LRGUK: variants seen among roughly 807,000 people sequenced by gnomAD.
LRGUK encodes the protein leucine rich repeats and guanylate kinase domain containing, also known as leucine-rich repeat and guanylate kinase domain-containing protein.
A neutral mutation model predicts 76.0 loss-of-function variants in LRGUK; 65 were observed. The ratio of observed to expected loss-of-function variants is 0.85; its 90% CI spans 0.70 to 1.05. The LOEUF (loss-of-function observed/expected upper bound fraction) is 1.05. Among genes scored for constraint, LRGUK ranks in the 50% least tolerant of loss-of-function variants. The pLI is 0.00. For missense variants in LRGUK, 758 were observed against 732.8 expected, an observed-to-expected ratio of 1.03 and a Z score of -0.40; for synonymous variants, 268 against 265.6, an observed-to-expected ratio of 1.01 and a Z score of -0.09.
At chr7:134,198,126 T>C (rs1338627448) in intron 13 of LRGUK, among the ~76,000 whole-genome samples, 1 of 152,208 alleles carries the variant, frequency 6.6e-6, no homozygotes, top group Non-Finnish European at 1.5e-5. Flanking sequence ...TCTTTAACTT[T>C]CCTGACGTAG....
chr7:134,162,355 A>G (rs1360917268), intron 6 of LRGUK, among the ~76,000 whole-genome samples: 1 of 152,138 alleles, frequency 6.6e-6, no homozygotes, highest in Non-Finnish European at 1.5e-5. Flanking sequence ...CCTTTTCCAT[A>G]TAACCTCTCC....
At chr7:134,243,671 T>C (rs1029360342) in intron 16 of LRGUK, among the ~76,000 whole-genome samples, 5 of 152,228 alleles carry the variant, frequency 3.3e-5, no homozygotes, top group East Asian at 3.9e-4. Context: ...AAGCTACCAA[T>C]GACTTTCTTC....
intron 14 of LRGUK, among the ~76,000 whole-genome samples, chr7:134,200,306 G>C (rs954896700): frequency 6.6e-6 from 1 of 151,366 alleles, no homozygotes; most frequent in Non-Finnish European, 1.5e-5. Flanking sequence ...CAAAGTGCTG[G>C]GATTACAGGC....
At chr7:134,266,737 T>G (rs1167449019), downstream of LRGUK, among the ~76,000 whole-genome samples, 1 of 152,116 alleles carries the variant, frequency 6.6e-6, no homozygotes, top group Non-Finnish European at 1.5e-5. Flanking sequence ...AAATATTTTT[T>G]TTAAAAATGA....
At chr7:134,157,848 G>T (rs1798551195) in intron 5 of LRGUK, among the ~76,000 whole-genome samples, 187 bp from the exon 6 acceptor site, 1 of 152,154 alleles carries the variant, frequency 6.6e-6, no homozygotes. Flanking sequence ...AATAAAAATT[G>T]TATAAAATAT....
chr7:134,247,127 T>A (rs1305122182), intron 16 of LRGUK, among the ~76,000 whole-genome samples: 1 of 152,176 alleles, frequency 6.6e-6, no homozygotes, highest in African/African-American at 2.4e-5. Context: ...CCCCCATAAA[T>A]TTTTCCTATT....
At chr7:134,183,187 G>A (rs1478076366) in intron 10 of LRGUK, among the ~76,000 whole-genome samples, 1 of 152,186 alleles carries the variant, frequency 6.6e-6, no homozygotes, top group Non-Finnish European at 1.5e-5. Flanking sequence ...TTGTACTTCA[G>A]TTTCTTCATA....
intron 16 of LRGUK, among the ~76,000 whole-genome samples, chr7:134,235,223 AT>A (rs1652700688): frequency 6.6e-6 from 1 of 152,184 alleles, no homozygotes; most frequent in Admixed American, 6.5e-5. Context: ...AAAGTCCTCC[AT>A]GATCTTGTTC....
At chr7:134,181,513 C>T (rs112867335) in intron 10 of LRGUK, among the ~76,000 whole-genome samples, 1 of 70,682 alleles carries the variant, frequency 1.4e-5, no homozygotes, top group Non-Finnish European at 2.7e-5. Context: ...CCTTTCAATG[C>T]GTAGTGTTTT....
intron 1 of LRGUK, among the ~76,000 whole-genome samples, chr7:134,128,553 T>C (rs974407305): frequency 1.3e-5 from 2 of 152,210 alleles, no homozygotes; most frequent in Non-Finnish European, 2.9e-5. Context: ...TTCCTTTCTA[T>C]TTTGTTTATG....
intron 14 of LRGUK, among the ~76,000 whole-genome samples, chr7:134,200,573 A>C (rs1343381717): frequency 7.1e-6 from 1 of 140,722 alleles, no homozygotes; most frequent in Non-Finnish European, 1.5e-5. Flanking sequence ...ATTACCTCTT[A>C]GGGGGAAGGG....
chr7:134,223,861 A>G (rs761885641), intron 16 of LRGUK, among the ~76,000 whole-genome samples: 2 of 152,114 alleles, frequency 1.3e-5, no homozygotes, highest in Non-Finnish European at 2.9e-5. Flanking sequence ...GCCCCAAGTG[A>G]TCCTCTCACC....
chr7:134,248,085 TTTCTTC>T (rs542963953), intron 17 of LRGUK, among the ~76,000 whole-genome samples: 26 of 152,326 alleles, frequency 1.7e-4, no homozygotes, highest in African/African-American at 6.0e-4. Flanking sequence ...AGTGATTAAT[TTTCTTC>T]ATGTTGGTAG....
intron 5 of LRGUK, among the ~76,000 whole-genome samples, chr7:134,150,520 C>G (rs1261561591): frequency 6.6e-6 from 1 of 151,362 alleles, no homozygotes; most frequent in Non-Finnish European, 1.5e-5. Flanking sequence ...ACTGGTTTGT[C>G]TAGAAGTCAG....
At chr7:134,160,059 T>C (rs190604163) in intron 6 of LRGUK, among the ~76,000 whole-genome samples, 1 of 152,362 alleles carries the variant, frequency 6.6e-6, no homozygotes, top group East Asian at 1.9e-4. Context: ...GCAGCATGTG[T>C]GCTTCATTTT....
chr7:134,250,091 T>C (rs1802407923), intron 18 of LRGUK, among the ~76,000 whole-genome samples: 1 of 152,144 alleles, frequency 6.6e-6, no homozygotes, highest in South Asian at 2.1e-4. Flanking sequence ...TATGGCAGTC[T>C]CTGTGGAGCA....
chr7:134,199,358 G>A (rs1273645900), exon 14 of LRGUK: 6 of 1,613,880 alleles, frequency 3.7e-6, no homozygotes, highest in Non-Finnish European at 4.2e-6. Context: ...TGTCTCCAGA[G>A]TGGACCTTTA....
At chr7:134,159,404 A>G (rs1279126743) in intron 6 of LRGUK, among the ~76,000 whole-genome samples, 1 of 151,890 alleles carries the variant, frequency 6.6e-6, no homozygotes, top group Non-Finnish European at 1.5e-5. Flanking sequence ...CATATACAAT[A>G]TACTATTTCT....
chr7:134,228,946 C>T (rs1563192576), intron 16 of LRGUK, among the ~76,000 whole-genome samples: 1 of 151,936 alleles, frequency 6.6e-6, no homozygotes, highest in Non-Finnish European at 1.5e-5. Flanking sequence ...TGCAATAAAG[C>T]ATAAACAAGA....
Sources: gnomAD v4.1 joint callset for allele counts (sites outside exome capture counted in the v4.1 genomes callset) on GRCh38, gnomAD v4.1.1 for gene constraint, MANE v1.5 for transcripts, NCBI Gene and HGNC (gene_info 2026-07-23, HGNC 2026-07-21) for gene names.